CSGALNACT1: variants seen among roughly 807,000 people sequenced by gnomAD.
CSGALNACT1 encodes the protein beta4GalNAcT-1.
CSGALNACT1 carries 52 observed loss-of-function variants against 51.0 expected under a neutral mutation model. The observed-to-expected ratio is 1.02, with a 90% CI of 0.82 to 1.29. CSGALNACT1 has a LOEUF of 1.29. CSGALNACT1 is among the 50% of genes most tolerant of loss of function. CSGALNACT1 has a pLI of 0.00. For missense variants in CSGALNACT1, 935 were observed against 679.2 expected (o/e 1.38, Z -4.19); for synonymous variants, 341 against 254.4 (o/e 1.34, Z -3.24).
At position 19,505,603 on chromosome 8, in the gene CSGALNACT1, G is replaced by A; in HGVS notation, c.232C>T (p.Gln78Ter). Reference sequence around the variant, plus strand: ...AGCTCCTCCTTGAGCTGTGCGATCTGCCGCTTCAGGCTGCTCACGTAGTTG... The same window carrying A: ...AGCTCCTCCTTGAGCTGTGCGATCTACCGCTTCAGGCTGCTCACGTAGTTG... Residue 78 changes from glutamine to a stop codon, truncating the protein, a stop_gained, in exon 4 of 10, where the codon CAG becomes TAG. Transcript: ENST00000454498. LOFTEE classifies it high-confidence loss of function. 1.9e-6 allele frequency: 3 copies of A among 1,614,038 alleles called. No homozygotes were observed. The highest frequency in any genetic ancestry group is 1.7e-5 in the Admixed American group (1 of 60,022).
intron 3 of CSGALNACT1, among the ~76,000 whole-genome samples, chr8:19,572,855 C>G (rs2043316024): frequency 6.6e-6 from 1 of 152,112 alleles, no homozygotes; most frequent in South Asian, 2.1e-4. Flanking sequence ...TCACTCTGTT[C>G]CAGTGAAGAT....
intron 1 of CSGALNACT1, among the ~76,000 whole-genome samples, chr8:19,747,860 A>C (rs1414810635): frequency 6.6e-6 from 1 of 152,190 alleles, no homozygotes; most frequent in Non-Finnish European, 1.5e-5. Context: ...ACTCAAACTC[A>C]GCTTTCTCCT....
At chr8:19,744,670 G>C (rs1392315384) in intron 1 of CSGALNACT1, among the ~76,000 whole-genome samples, 1 of 152,146 alleles carries the variant, frequency 6.6e-6, no homozygotes, top group East Asian at 1.9e-4. Context: ...TATAATAAAA[G>C]AGATTTCTAA....
At chr8:19,532,416 A>G (rs200867896) in intron 3 of CSGALNACT1, among the ~76,000 whole-genome samples, 1 of 152,138 alleles carries the variant, frequency 6.6e-6, no homozygotes, top group East Asian at 1.9e-4. Flanking sequence ...GCCGTGTTAC[A>G]AAAGCCTTTT....
chr8:19,670,631 G>A (rs2059716152), intron 1 of CSGALNACT1, among the ~76,000 whole-genome samples: 1 of 100,824 alleles, frequency 9.9e-6, no homozygotes. Context: ...GACCAGAACT[G>A]ATTATGCACT....
upstream of CSGALNACT1, among the ~76,000 whole-genome samples, chr8:19,605,245 G>A (rs140980478): frequency 4.9e-3 from 745 of 152,176 alleles, 5 homozygotes; most frequent in African/African-American, 0.017. Flanking sequence ...ATGTCAGCCT[G>A]GCCAACATGG....
chr8:19,479,266 T>C (rs1233704030), intron 4 of CSGALNACT1, among the ~76,000 whole-genome samples: 3 of 152,116 alleles, frequency 2.0e-5, no homozygotes, highest in East Asian at 3.9e-4. Flanking sequence ...GACTAAAACA[T>C]CTCAACGGCC....
intron 4 of CSGALNACT1, among the ~76,000 whole-genome samples, chr8:19,484,381 C>T (rs1456771549): frequency 6.6e-6 from 1 of 152,130 alleles, no homozygotes; most frequent in African/African-American, 2.4e-5. Context: ...GGTCTTGGAA[C>T]ATACAACTCG....
At chr8:19,580,008 C>G (rs77972478) in intron 3 of CSGALNACT1, among the ~76,000 whole-genome samples, 1 of 152,316 alleles carries the variant, frequency 6.6e-6, no homozygotes, top group African/African-American at 2.4e-5. Context: ...TAAAGGCACA[C>G]AAAACTTGAG....
chr8:19,471,554 C>T (rs956880180), intron 4 of CSGALNACT1, among the ~76,000 whole-genome samples: 1 of 152,146 alleles, frequency 6.6e-6, no homozygotes, highest in African/African-American at 2.4e-5. Context: ...CGAATTCTTT[C>T]TTCTGAGGCG....
At position 19,404,619 on chromosome 8, in the gene CSGALNACT1, T is replaced by TATAC. The variant is rs1280664534; in HGVS notation, c.*1160_*1161insGTAT. 9.1e-6 allele frequency: 4 copies of TATAC among 440,526 alleles called. No homozygotes were observed. The East Asian group carries it at 2.8e-4, about 31-fold the overall frequency. 27.3% of individuals were successfully genotyped at this position (440,526 alleles called of 1,614,324 possible). On this transcript the variant is annotated 3_prime_UTR_variant, in exon 10 of 10. Coordinates refer to ENST00000454498, the Ensembl canonical transcript of CSGALNACT1. The stretch of plus-strand genomic sequence containing the variant: ...ATTGATCTTTCACAATATATATATA[T>TATAC]ATATTTTTTTCTCCATTTCTTCTTA...
chr8:19,696,469 C>T (rs542770348), intron 1 of CSGALNACT1, among the ~76,000 whole-genome samples: 33 of 152,212 alleles, frequency 2.2e-4, no homozygotes, highest in African/African-American at 2.9e-4. Context: ...TGAAACACCA[C>T]GATGCAGATG....
intron 1 of CSGALNACT1, among the ~76,000 whole-genome samples, chr8:19,709,721 C>T (rs1433103111): frequency 6.6e-6 from 1 of 152,168 alleles, no homozygotes; most frequent in African/African-American, 2.4e-5. Context: ...GAGGTTTGAG[C>T]CTGCCCCCCC....
intron 3 of CSGALNACT1, among the ~76,000 whole-genome samples, chr8:19,521,627 G>A (rs1477614438): frequency 2.1e-5 from 3 of 144,294 alleles, no homozygotes; most frequent in Non-Finnish European, 4.6e-5. Context: ...AGGCTGCAGT[G>A]AGCCGAGATC....
chr8:19,456,766 C>T (rs1025140461), intron 5 of CSGALNACT1, among the ~76,000 whole-genome samples: 8 of 152,186 alleles, frequency 5.3e-5, no homozygotes, highest in African/African-American at 1.7e-4. Flanking sequence ...CTTTGGATTA[C>T]ATCATGGCTA....
At chr8:19,546,520 A>T (rs2086515883) in intron 3 of CSGALNACT1, among the ~76,000 whole-genome samples, 2 of 152,218 alleles carry the variant, frequency 1.3e-5, no homozygotes, top group African/African-American at 2.4e-5. Context: ...AGGATGGAAC[A>T]CAAAGCTAAC....
chr8:19,644,637 G>T (rs766304879), intron 1 of CSGALNACT1, among the ~76,000 whole-genome samples: 6 of 149,176 alleles, frequency 4.0e-5, no homozygotes, highest in Non-Finnish European at 8.9e-5. Flanking sequence ...TTGAACCCGG[G>T]AGGCAGAGGT....
chr8:19,438,335 T>C (rs1424343819), intron 6 of CSGALNACT1, among the ~76,000 whole-genome samples: 1 of 152,190 alleles, frequency 6.6e-6, no homozygotes, highest in Admixed American at 6.5e-5. Context: ...GGAATTGACA[T>C]TGACAGAGAC....
chr8:19,654,763 T>C (rs1005215669), intron 1 of CSGALNACT1, among the ~76,000 whole-genome samples: 1 of 152,126 alleles, frequency 6.6e-6, no homozygotes, highest in South Asian at 2.1e-4. Context: ...CCGGCTAGTC[T>C]TGAACTCCTG....
Sources: gnomAD v4.1 joint callset for allele counts (sites outside exome capture counted in the v4.1 genomes callset) on GRCh38, gnomAD v4.1.1 for gene constraint, MANE v1.5 for transcripts, NCBI Gene and HGNC (gene_info 2026-07-23, HGNC 2026-07-21) for gene names.